Variants in FAT2 observed in about 807,000 individuals in gnomAD.
The protein encoded by FAT2 is FAT atypical cadherin 2.
A neutral mutation model predicts 295.3 loss-of-function variants in FAT2; 150 were observed. The ratio of observed to expected loss-of-function variants is 0.51; its 90% CI spans 0.44 to 0.58. The LOEUF is 0.58. Ranked by LOEUF, FAT2 falls within the 20% of genes least tolerant of loss-of-function variation. The pLI is 0.00. For missense variants in FAT2, 4,868 were observed against 5,442.7 expected (o/e 0.89, Z 3.32); for synonymous variants, 2,026 against 2,150.3 (o/e 0.94, Z 1.60).
Position 151,543,699 on chromosome 5 carries a change from C to G in FAT2, c.7428G>C (p.Lys2476Asn). 1 of 1,614,158 alleles carries G rather than the reference C, an allele frequency of 6.2e-7. No homozygotes were observed. Among genetic ancestry groups the G allele is most frequent in the East Asian group, 2.2e-5 (1 of 44,880 alleles). ...GGTGCTGCTGGAACTCTGGGCTGTA[C>G]TTGTTGGCATTTGTAGTGTTGATGT... Reference protein sequence around the residue: ...PVYINTTNANKYSPEFQQHLY... With the variant: ...PVYINTTNANNYSPEFQQHLY... The change falls in exon 10 of 24, where the codon AAG becomes AAC. Residue 2476 changes from lysine (K) to asparagine (N), a missense_variant. Physicochemically the swap from Lys to Asn is moderately conservative, Grantham distance 94. Coordinates refer to ENST00000261800, the MANE Select transcript of FAT2 (RefSeq NM_001447.3).
chr5:151,559,815 C>G (rs954519205), intron 3 of FAT2, among the ~76,000 whole-genome samples: 1 of 152,076 alleles, frequency 6.6e-6, no homozygotes, highest in Non-Finnish European at 1.5e-5. Context: ...CATCCTCATC[C>G]TCCTCTCTGA....
chr5:151,506,999 C>T (rs1326170627), intron 23 of FAT2, among the ~76,000 whole-genome samples, 155 bp downstream of exon 23: 1 of 152,206 alleles, frequency 6.6e-6, no homozygotes, highest in African/African-American at 2.4e-5. Flanking sequence ...CTCCAGCATC[C>T]GTGCCCTGTA....
intron 16 of FAT2, 124 bp downstream of exon 16, chr5:151,527,872 C>T (rs1440758854): frequency 3.1e-6 from 4 of 1,295,428 alleles, no homozygotes; most frequent in Admixed American, 4.3e-5. Flanking sequence ...AAGTGAGAGA[C>T]ATTCTGGGAA....
At chr5:151,551,376 C>T in intron 7 of FAT2, 91 bp downstream of exon 7, 2 of 1,344,762 alleles carry the variant, frequency 1.5e-6, no homozygotes, top group East Asian at 2.3e-5. Flanking sequence ...TGAGGAACAC[C>T]ACATCCACAG....
intron 1 of FAT2, among the ~76,000 whole-genome samples, chr5:151,582,113 G>A (rs1181166708): frequency 2.6e-5 from 4 of 152,240 alleles, no homozygotes; most frequent in African/African-American, 9.6e-5. Context: ...TGCTGAGCTG[G>A]CTGAACCTGA....
chr5:151,531,929 C>A lies in FAT2; in HGVS notation c.9469G>T (p.Glu3157Ter). 6.2e-7 allele frequency: 1 copy of A among 1,614,202 alleles called. No individual in the cohort carries two copies. The highest frequency in any genetic ancestry group is 8.5e-7 in the Non-Finnish European group (1 of 1,180,032). Reference protein sequence around the residue: ...QVVYSLPDSAEGHFSIDATTG... With the variant: ...QVVYSLPDSA ...GTGGCGTCGATGGAAAAGTGGCCTT[C>A]GGCTGAATCCGGCAGAGAGTAAACC... The change falls in exon 14 of 24, where the codon GAA (glutamate) becomes TAA (stop). Residue 3157 changes from glutamate (E) to a stop codon, truncating the protein, a stop_gained. Transcript: ENST00000261800. LOFTEE classifies it high-confidence loss of function. The surrounding 1 kb of genome is among the most constrained non-coding windows in gnomAD (Gnocchi z 5.7).
At chr5:151,540,985 G>A (rs1269009092) in intron 10 of FAT2, among the ~76,000 whole-genome samples, 1 of 152,242 alleles carries the variant, frequency 6.6e-6, no homozygotes, top group Non-Finnish European at 1.5e-5. Flanking sequence ...GTCAATGCAA[G>A]AAGCATCACT....
chr5:151,529,556 C>T (rs182026581), intron 14 of FAT2, among the ~76,000 whole-genome samples, 164 bp from the exon 15 acceptor site: 40 of 150,914 alleles, frequency 2.7e-4, no homozygotes, highest in Middle Eastern at 3.2e-3. Context: ...CCCCTTGACC[C>T]CCTTCCCCAT....
At chr5:151,528,609 C>T (rs535120555) in intron 15 of FAT2, among the ~76,000 whole-genome samples, 4 of 151,912 alleles carry the variant, frequency 2.6e-5, no homozygotes, top group East Asian at 3.9e-4. Context: ...GAAGTGCAGA[C>T]GATGTTTTGG....
In FAT2 at chr5:151,545,378, T is replaced by C. The variant is rs1403184268; in HGVS notation, c.5749A>G (p.Thr1917Ala). The change falls in exon 10 of 24, where the codon ACC becomes GCC. Residue 1917 changes from threonine to alanine, a missense_variant. Thr to Ala is a moderately conservative substitution (Grantham distance 58, BLOSUM62 0). Coordinates refer to ENST00000261800, the MANE Select transcript of FAT2 (RefSeq NM_001447.3). ...IKTGNADEAVTIHPVTGSISV... is the reference protein window; with the variant it reads ...IKTGNADEAVAIHPVTGSISV... The stretch of plus-strand genomic sequence containing the variant: ...ATGCTACCAGTGACAGGATGGATGG[T>C]AACAGCTTCATCAGCATTGCCAGTT... 8.7e-6 allele frequency: 14 copies of C among 1,614,056 alleles called. No homozygotes were observed. The highest frequency in any genetic ancestry group is 1.1e-5 in the Non-Finnish European group (13 of 1,180,034).
In FAT2 at chr5:151,544,863, G is replaced by T. The variant is rs771844369; in HGVS notation, c.6264C>A (p.Val2088=). The T allele has an allele frequency of 5.6e-6, 9 of 1,614,156 alleles. No individual in the cohort carries two copies. In the South Asian group the frequency reaches 9.9e-5, roughly 18 times the overall value. ...CATCAGTGGCAGATACCTGAAAGAGGACATCCCCTGGCTCTGTGCCATCTT... is the reference window on the plus strand; with the variant it reads ...CATCAGTGGCAGATACCTGAAAGAGTACATCCCCTGGCTCTGTGCCATCTT... ...IIQDGTEPGD[V]LFQVSATDED... is the part of the protein sequence containing the mutation. The change falls in exon 10 of 24, where the codon GTC becomes GTA. Residue 2088 remains valine, a synonymous_variant. Transcript: ENST00000261800.
chr5:151,544,873 G>A lies in FAT2; in HGVS notation c.6254C>T (p.Pro2085Leu), dbSNP rs1561852885. The A allele has an allele frequency of 1.2e-6, 2 of 1,614,130 alleles. No homozygotes were observed. The highest frequency in any genetic ancestry group is 1.7e-6 in the Non-Finnish European group (2 of 1,180,020). Residue 2085 changes from proline to leucine, a missense_variant, in exon 10 of 24, where the codon CCA becomes CTA. Coordinates refer to ENST00000261800, the MANE Select transcript of FAT2 (RefSeq NM_001447.3). Reference protein sequence around the residue: ...YYTIIQDGTEPGDVLFQVSAT... With the variant: ...YYTIIQDGTELGDVLFQVSAT... ...AGATACCTGAAAGAGGACATCCCCT[G>A]GCTCTGTGCCATCTTGGATGATTGT... is the stretch of plus-strand genomic sequence containing the variant.
intron 1 of FAT2, among the ~76,000 whole-genome samples, chr5:151,571,118 G>T (rs1317317951): frequency 1.3e-5 from 2 of 152,084 alleles, no homozygotes; most frequent in African/African-American, 4.8e-5. Flanking sequence ...AGAAAGAGCT[G>T]CTGTACGTTT....
Position 151,510,066 on chromosome 5 carries a change from G to T in FAT2, c.12014C>A (p.Pro4005His), listed in dbSNP as rs757936305. ...AGGGCAGTTACAGGAAGCTCCTTTG[G>T]GGGAGAGGATGCAAGTTCCACCTTC... ...CLEGGTCILS[P>H]KGASCNCPHP... is the part of the protein sequence containing the mutation. Residue 4005 changes from proline to histidine, a missense_variant, in exon 22 of 24, where the codon CCC (proline) becomes CAC (histidine). Transcript: ENST00000261800. 2.5e-6 allele frequency: 4 copies of T among 1,614,152 alleles called. No individual in the cohort carries two copies. The highest frequency in any genetic ancestry group is 3.3e-5 in the Admixed American group (2 of 60,028).
At chr5:151,557,037 A>G (rs1432233117) in intron 3 of FAT2, among the ~76,000 whole-genome samples, 1 of 152,172 alleles carries the variant, frequency 6.6e-6, no homozygotes, top group African/African-American at 2.4e-5. Flanking sequence ...CAGGGGTGAT[A>G]CATCAAAACT....
intron 1 of FAT2, among the ~76,000 whole-genome samples, chr5:151,587,151 A>G (rs1759206788): frequency 6.8e-6 from 1 of 147,838 alleles, no homozygotes; most frequent in South Asian, 2.2e-4. Context: ...CAAAAAAACA[A>G]AAAACAAAAC....
chr5:151,546,371 C>T, intron 9 of FAT2, 34 bp from the exon 10 acceptor site: 2 of 1,526,972 alleles, frequency 1.3e-6, no homozygotes, highest in Non-Finnish European at 9.0e-7. Context: ...AAGTTTGCCA[C>T]ACCCTCGACA....
At chr5:151,541,572 G>T (rs1477876033) in intron 10 of FAT2, among the ~76,000 whole-genome samples, 1 of 152,188 alleles carries the variant, frequency 6.6e-6, no homozygotes, top group Non-Finnish European at 1.5e-5. Flanking sequence ...GGGGGGACAT[G>T]GCACCTGGGG....
Position 151,590,800 on chromosome 5 carries a change from C to G in FAT2, c.-21+365G>C, listed in dbSNP as rs375950108. Among the ~76,000 whole-genome samples the G allele has an allele frequency of 1.1e-3, 163 of 152,322 alleles. 2 individuals carry two copies. The highest frequency in any genetic ancestry group is 3.7e-3 in the African/African-American group (152 of 41,568). ...ACTGCAGAGGAAATCTCCTCCATGT[C>G]CTCTTAAAGGCTCATCTCCAGAAAG... On this transcript the variant is annotated intron_variant, in intron 1 of 23. Coordinates refer to ENST00000261800, the MANE Select transcript of FAT2 (RefSeq NM_001447.3).
Sources: allele counts gnomAD v4.1 joint callset (sites outside exome capture counted in the v4.1 genomes callset), GRCh38; gene constraint gnomAD v4.1.1; non-coding constraint Gnocchi (gnomAD v3.1); transcripts MANE v1.5; gene names NCBI Gene and HGNC (gene_info 2026-07-23, HGNC 2026-07-21).